Variants in FBXO7 observed in about 807,000 individuals in gnomAD.
FBXO7 encodes the protein F-box protein 7.
Under a neutral mutation model 50.2 loss-of-function variants are expected in FBXO7, and 31 were observed. The observed-to-expected ratio is 0.62, with a 90% CI of 0.46 to 0.83. The LOEUF is 0.83. Among genes scored for constraint, FBXO7 ranks in the 40% least tolerant of loss-of-function variants. The pLI is 0.00. For missense variants in FBXO7, 667 were observed against 646.6 expected, an observed-to-expected ratio of 1.03 and a Z score of -0.34; for synonymous variants, 256 against 253.1, an observed-to-expected ratio of 1.01 and a Z score of -0.11.
At chr22:32,476,085 G>C (rs1489072509) in intron 1 of FBXO7, 1 of 152,032 alleles carries the variant, frequency 6.6e-6, no homozygotes, top group Non-Finnish European at 1.5e-5. Context: ...ACCTTCCTAC[G>C]TTTTCACCTT....
chr22:32,496,791 T>C (rs1479988721), intron 8 of FBXO7, among the ~76,000 whole-genome samples: 1 of 152,102 alleles, frequency 6.6e-6, no homozygotes, highest in Non-Finnish European at 1.5e-5. Context: ...TTGAATCTTA[T>C]TATTTAAGAA....
chr22:32,492,199 A>T (rs996657715), intron 6 of FBXO7: 8 of 152,226 alleles, frequency 5.3e-5, no homozygotes, highest in Non-Finnish European at 7.3e-5. Flanking sequence ...ATATGAATAG[A>T]TAGTGGCTTT....
chr22:32,498,574 C>T lies in FBXO7; in HGVS notation c.*44C>T, dbSNP rs1406670990. The T allele has an allele frequency of 6.3e-7, 1 of 1,586,840 alleles. No individual in the cohort carries two copies. Among genetic ancestry groups the T allele is most frequent in the Non-Finnish European group, 8.5e-7 (1 of 1,170,018 alleles). Reference sequence around the variant, plus strand: ...TCTGGAGCTCCATTTGTTTTTGTTTCTAAACTACAGATGTCAACTCCTTGG... The same window carrying T: ...TCTGGAGCTCCATTTGTTTTTGTTTTTAAACTACAGATGTCAACTCCTTGG... On this transcript the variant is annotated 3_prime_UTR_variant, in exon 9 of 9. Coordinates refer to ENST00000266087, the MANE Select transcript of FBXO7 (RefSeq NM_012179.4).
Position 32,498,486 on chromosome 22 carries a change from C to G in FBXO7, c.1525C>G (p.Pro509Ala), listed in dbSNP as rs1316360275. The G allele has an allele frequency of 2.5e-6, 4 of 1,614,108 alleles. No individual in the cohort carries two copies. In the Admixed American group the frequency reaches 6.7e-5, roughly 27 times the overall value. ...CCCCAATGACAGATTTCCCTTTAGA[C>G]CCAGCAGGGGTCGGCCAACTGATGG... ...GGPNDRFPFRPSRGRPTDGRL... is the reference protein window; with the variant it reads ...GGPNDRFPFRASRGRPTDGRL... Residue 509 changes from proline (P) to alanine (A), a missense_variant, in exon 9 of 9, where the codon CCC (proline) becomes GCC (alanine). Transcript: ENST00000266087.
At chr22:32,480,033 G>A (rs1353723169) in intron 2 of FBXO7, among the ~76,000 whole-genome samples, 3 of 152,168 alleles carry the variant, frequency 2.0e-5, no homozygotes. Flanking sequence ...CAGTGGCACT[G>A]CTGGTTTTCT....
Position 32,483,940 on chromosome 22 carries a change from A to G in FBXO7, c.461A>G (p.Asn154Ser), listed in dbSNP as rs753951774. 5.6e-6 allele frequency: 9 copies of G among 1,614,202 alleles called. No homozygotes were observed. The highest frequency in any genetic ancestry group is 6.8e-6 in the Non-Finnish European group (8 of 1,180,020). Reference sequence around the variant, plus strand: ...TTTGAAGCTGAGTCAATTCAAGATAATGCGCATATGGCAGAGGGCACAGGT... The same window carrying G: ...TTTGAAGCTGAGTCAATTCAAGATAGTGCGCATATGGCAGAGGGCACAGGT... The part of the protein sequence containing the change: ...QNFEAESIQD[N>S]AHMAEGTGFY... The change falls in exon 3 of 9, where the codon AAT becomes AGT. Residue 154 changes from asparagine (N) to serine (S), a missense_variant. By Grantham distance (46) the Asn-to-Ser change is conservative. Coordinates refer to ENST00000266087, the MANE Select transcript of FBXO7 (RefSeq NM_012179.4).
At chr22:32,483,793 A>G (rs962918928) in intron 2 of FBXO7, 104 bp from the exon 3 acceptor site, 16 of 987,652 alleles carry the variant, frequency 1.6e-5, no homozygotes, top group African/African-American at 9.6e-5. Flanking sequence ...TCTGAACCCA[A>G]TGATGTACTT....
chr22:32,493,667 G>C (rs2057553241), intron 7 of FBXO7, among the ~76,000 whole-genome samples: 1 of 152,172 alleles, frequency 6.6e-6, no homozygotes, highest in African/African-American at 2.4e-5. Flanking sequence ...TGCTAGGGTA[G>C]CTTTATTTCT....
intron 2 of FBXO7, among the ~76,000 whole-genome samples, chr22:32,482,957 C>G (rs916035544): frequency 8.5e-5 from 13 of 152,180 alleles, no homozygotes; most frequent in Non-Finnish European, 1.9e-4. Context: ...TCTGTGTTAC[C>G]TCTTTTGAAG....
chr22:32,484,559 T>G (rs114807814), intron 3 of FBXO7, among the ~76,000 whole-genome samples: 1,646 of 152,240 alleles, frequency 0.011, 38 homozygotes, highest in African/African-American at 0.038. Flanking sequence ...TATTGGGATA[T>G]TTCTTGTCTT....
At chr22:32,484,267 G>A in intron 3 of FBXO7, 143 bp downstream of exon 3, 3 of 735,968 alleles carry the variant, frequency 4.1e-6, no homozygotes, top group Non-Finnish European at 7.3e-6. Context: ...AGTTCTGGGA[G>A]AAACATACTC....
In FBXO7 at chr22:32,498,230, A is replaced by G. The variant is rs138312243; in HGVS notation, c.1269A>G (p.Pro423=). ...TGCCATCGTCAACTCACACCATTCC[A>G]TTCTATCCCAACCCCTTGCACCCTA... ...MLLPSSTHTI[P]FYPNPLHPRP... The change falls in exon 9 of 9, where the codon CCA becomes CCG. Residue 423 remains proline, a synonymous_variant. Coordinates refer to ENST00000266087, the MANE Select transcript of FBXO7 (RefSeq NM_012179.4). The G allele has an allele frequency of 5.0e-6, 8 of 1,614,188 alleles. No individual in the cohort carries two copies. Among genetic ancestry groups the G allele is most frequent in the Non-Finnish European group, 5.9e-6 (7 of 1,180,036 alleles).
intron 2 of FBXO7, among the ~76,000 whole-genome samples, chr22:32,480,252 C>T (rs1039702392): frequency 5.9e-5 from 9 of 152,174 alleles, no homozygotes; most frequent in African/African-American, 2.2e-4. Flanking sequence ...GACAATATAT[C>T]TCTAGTTCAA....
At chr22:32,478,832 A>C (rs1235686336) in intron 1 of FBXO7, 149 bp from the exon 2 acceptor site, 1 of 797,894 alleles carries the variant, frequency 1.3e-6, no homozygotes, top group Non-Finnish European at 2.1e-6. Context: ...CAGGAGCTTG[A>C]GACCAGCCTG....
intron 1 of FBXO7, 111 bp downstream of exon 1, chr22:32,475,235 T>C (rs2057418778): frequency 1.3e-6 from 2 of 1,525,772 alleles, no homozygotes; most frequent in Non-Finnish European, 1.8e-6. Flanking sequence ...GGCCGGGCGA[T>C]AGGCCAAGTG....
intron 7 of FBXO7, among the ~76,000 whole-genome samples, chr22:32,494,097 A>G (rs1323781302): frequency 7.9e-6 from 1 of 126,040 alleles, no homozygotes; most frequent in African/African-American, 3.0e-5. Context: ...TGGTGGGTAG[A>G]TAGCTCCCTT....
At position 32,498,276 on chromosome 22, in the gene FBXO7, C is replaced by T. The variant is rs1415984103; in HGVS notation, c.1315C>T (p.Leu439Phe). The part of the protein sequence containing the change: ...LHPRPFPSSR[L>F]PPGIIGGEYD... ...CCCTAGGCCATTTCCTAGCTCCCGC[C>T]TTCCTCCAGGAATTATCGGGGGTGA... Residue 439 changes from leucine (L) to phenylalanine (F), a missense_variant, in exon 9 of 9, where the codon CTT becomes TTT. Transcript: ENST00000266087. 6.2e-7 allele frequency: 1 copy of T among 1,614,204 alleles called. No individual in the cohort carries two copies. The highest frequency in any genetic ancestry group is 1.1e-5 in the South Asian group (1 of 91,082).
chr22:32,483,793 A>T, intron 2 of FBXO7, 104 bp from the exon 3 acceptor site: 1 of 987,770 alleles, frequency 1.0e-6, no homozygotes, highest in South Asian at 1.4e-5. Context: ...TCTGAACCCA[A>T]TGATGTACTT....
chr22:32,494,698 C>T (rs995057993), intron 7 of FBXO7, among the ~76,000 whole-genome samples: 1 of 151,988 alleles, frequency 6.6e-6, no homozygotes, highest in Non-Finnish European at 1.5e-5. Flanking sequence ...AATACCCTTT[C>T]ACTTGTATAT....
Sources: allele counts gnomAD v4.1 joint callset (sites outside exome capture counted in the v4.1 genomes callset), GRCh38; gene constraint gnomAD v4.1.1; transcripts MANE v1.5; gene names NCBI Gene and HGNC (gene_info 2026-07-23, HGNC 2026-07-21).